Variants in FHIT observed in about 807,000 individuals in gnomAD.
The protein encoded by FHIT is bis(5'-adenosyl)-triphosphatase.
In FHIT, 19 loss-of-function variants were observed where a neutral mutation model predicts 17.9. The observed-to-expected ratio is 1.06, with a 90% CI of 0.74 to 1.56. FHIT has a LOEUF of 1.56. Ranked by LOEUF, FHIT falls within the 40% of genes most tolerant of loss-of-function variation. The pLI is 0.00. For missense variants in FHIT, 248 were observed against 189.2 expected, an observed-to-expected ratio of 1.31 and a Z score of -1.82; for synonymous variants, 81 against 69.7, an observed-to-expected ratio of 1.16 and a Z score of -0.81.
chr3:60,389,640 T>C (rs1701145911), intron 5 of FHIT, among the ~76,000 whole-genome samples: 1 of 152,148 alleles, frequency 6.6e-6, no homozygotes, highest in African/African-American at 2.4e-5. Flanking sequence ...TAAGAGCAAA[T>C]TAATTACCCC....
At chr3:60,980,330 A>T (rs138540482) in intron 3 of FHIT, among the ~76,000 whole-genome samples, 1,999 of 152,354 alleles carry the variant, frequency 0.013, 22 homozygotes, top group South Asian at 0.024. Flanking sequence ...ACCACAAAAA[A>T]TGTAAAGAAT....
intron 5 of FHIT, among the ~76,000 whole-genome samples, chr3:60,368,374 T>G (rs1700194915): frequency 2.0e-5 from 3 of 152,036 alleles, no homozygotes; most frequent in Non-Finnish European, 4.4e-5. Context: ...GAATGTGCAC[T>G]TTCATGATAA....
intron 8 of FHIT, among the ~76,000 whole-genome samples, chr3:59,816,305 T>C (rs1700598001): frequency 6.6e-6 from 1 of 152,246 alleles, no homozygotes; most frequent in Non-Finnish European, 1.5e-5. Flanking sequence ...TCATCACATA[T>C]GTCATCTTCA....
rs1707440275 is a variant in FHIT at position 60,924,042 on chromosome 3, G to A, written c.-110-102031C>T. ...CCCTGCCATTGCCGAGGCTTGAGTA[G>A]GTAAACAAAGCGGCCTGGAAGCTCG... is the stretch of plus-strand genomic sequence containing the variant. On this transcript the variant is annotated intron_variant, in intron 3 of 9. Coordinates refer to ENST00000492590, the MANE Select transcript of FHIT (RefSeq NM_002012.4). Among the ~76,000 whole-genome samples the A allele has an allele frequency of 2.6e-5, 4 of 152,270 alleles. No individual in the cohort carries two copies. In the South Asian group the frequency reaches 8.3e-4, roughly 32 times the overall value.
At chr3:60,253,192 A>G (rs1429386624) in intron 5 of FHIT, among the ~76,000 whole-genome samples, 1 of 152,192 alleles carries the variant, frequency 6.6e-6, no homozygotes, top group Non-Finnish European at 1.5e-5. Flanking sequence ...CTACTGCCAA[A>G]AAAGGCTCAT....
intron 5 of FHIT, among the ~76,000 whole-genome samples, chr3:60,027,151 A>AG (rs1700786810): frequency 6.8e-6 from 1 of 147,500 alleles, no homozygotes; most frequent in South Asian, 2.1e-4. Context: ...ACACACACAA[A>AG]ATTAGTAAAC....
intron 7 of FHIT, among the ~76,000 whole-genome samples, chr3:59,960,814 A>C (rs1052611226): frequency 3.3e-5 from 5 of 152,170 alleles, no homozygotes; most frequent in Non-Finnish European, 7.3e-5. Context: ...TATCTGTTTT[A>C]TACTATGTAT....
At chr3:60,028,015 C>T (rs1490461949) in intron 5 of FHIT, among the ~76,000 whole-genome samples, 1 of 152,058 alleles carries the variant, frequency 6.6e-6, no homozygotes, top group African/African-American at 2.4e-5. Context: ...AAATACCACC[C>T]TGTAGCTAGT....
intron 8 of FHIT, among the ~76,000 whole-genome samples, chr3:59,871,776 C>T (rs1702935912): frequency 6.6e-6 from 1 of 152,182 alleles, no homozygotes; most frequent in Admixed American, 6.5e-5. Flanking sequence ...TTTTCCACAT[C>T]CTTTAGCACT....
At chr3:59,978,577 T>C (rs1381509410) in intron 7 of FHIT, among the ~76,000 whole-genome samples, 1 of 151,668 alleles carries the variant, frequency 6.6e-6, no homozygotes, top group African/African-American at 2.4e-5. Context: ...CTCTGTTATC[T>C]GAAACAACCC....
intron 5 of FHIT, among the ~76,000 whole-genome samples, chr3:60,304,525 A>G (rs1375146735): frequency 6.6e-6 from 1 of 152,080 alleles, no homozygotes; most frequent in Non-Finnish European, 1.5e-5. Context: ...TATTTTACAG[A>G]TGAGACAAGT....
intron 3 of FHIT, among the ~76,000 whole-genome samples, chr3:61,036,410 A>T (rs56832480): frequency 1.3e-5 from 2 of 152,104 alleles, no homozygotes; most frequent in Non-Finnish European, 2.9e-5. Flanking sequence ...CATCCAAACT[A>T]TATCACTAAC....
chr3:61,055,199 G>C (rs1456602026), intron 2 of FHIT, among the ~76,000 whole-genome samples: 1 of 152,104 alleles, frequency 6.6e-6, no homozygotes, highest in African/African-American at 2.4e-5. Flanking sequence ...CCTAAATCTA[G>C]TAGCAAGGAC....
At chr3:60,955,112 C>T (rs550331113) in intron 3 of FHIT, among the ~76,000 whole-genome samples, 91 of 152,016 alleles carry the variant, frequency 6.0e-4, no homozygotes, top group Non-Finnish European at 1.2e-3. Flanking sequence ...TAGTAGTTTT[C>T]CATACTTCAT....
rs138595089 is a variant in FHIT at position 60,253,907 on chromosome 3, C to T, written c.104-239755G>A. Among the ~76,000 whole-genome samples, 577 of 152,306 alleles carry T rather than the reference C, an allele frequency of 3.8e-3. 1 individual carries two copies. Among genetic ancestry groups the T allele is most frequent in the African/African-American group, 0.013 (554 of 41,554 alleles). Reference sequence around the variant, plus strand: ...TTATATAGCCTCAAATGGGCCAGCACTTACTTGTGAGTTACTAATCTAATC... The same window carrying T: ...TTATATAGCCTCAAATGGGCCAGCATTTACTTGTGAGTTACTAATCTAATC... On this transcript the variant is annotated intron_variant, in intron 5 of 9. Coordinates refer to ENST00000492590, the MANE Select transcript of FHIT (RefSeq NM_002012.4).
rs200139457 is a variant in FHIT at position 60,929,392 on chromosome 3, C to T, written c.-110-107381G>A. ...TTAGGCAGGAGAAGGAAGTAAAGGG[C>T]ATTCAATTAGGAAAAGAGGAAATCC... On this transcript the variant is annotated intron_variant, in intron 3 of 9. Transcript: ENST00000492590. 2.4e-4 allele frequency among the ~76,000 whole-genome samples: 36 copies of T among 152,226 alleles called. No individual in the cohort carries two copies. The East Asian group carries it at 6.0e-3, about 25-fold the overall frequency.
chr3:60,046,482 C>T (rs1219552122), intron 5 of FHIT, among the ~76,000 whole-genome samples: 1 of 152,216 alleles, frequency 6.6e-6, no homozygotes, highest in Non-Finnish European at 1.5e-5. Context: ...TGCGCAGCAC[C>T]TGTCTAAAGT....
intron 7 of FHIT, among the ~76,000 whole-genome samples, chr3:59,935,144 T>C (rs933692665): frequency 2.0e-5 from 3 of 152,076 alleles, no homozygotes; most frequent in African/African-American, 7.2e-5. Context: ...TCTTGTAAAA[T>C]TGGTTCTGCT....
intron 5 of FHIT, among the ~76,000 whole-genome samples, chr3:60,256,319 T>A (rs1705990081): frequency 2.0e-5 from 3 of 152,184 alleles, no homozygotes; most frequent in South Asian, 4.1e-4. Flanking sequence ...ATCATCAACC[T>A]CAAGCTCCCC....
Sources: allele counts gnomAD v4.1 joint callset (sites outside exome capture counted in the v4.1 genomes callset), GRCh38; gene constraint gnomAD v4.1.1; transcripts MANE v1.5; gene names NCBI Gene and HGNC (gene_info 2026-07-23, HGNC 2026-07-21).